Variants in ZNF445 observed in about 807,000 individuals in gnomAD.
ZNF445 encodes the protein zinc finger protein 168.
Under a neutral mutation model 93.9 loss-of-function variants are expected in ZNF445, and 19 were observed. The observed-to-expected ratio is 0.20, with a 90% CI of 0.14 to 0.30. The LOEUF (loss-of-function observed/expected upper bound fraction) is 0.30. ZNF445 is among the 10% of genes least tolerant of loss of function. The probability of loss-of-function intolerance (pLI) is 1.00; values close to 1 mark genes in which losing one functional copy is unlikely to be tolerated. For missense variants in ZNF445, 1,058 were observed against 1,259.4 expected, an observed-to-expected ratio of 0.84 and a Z score of 2.42; for synonymous variants, 449 against 446.3, an observed-to-expected ratio of 1.01 and a Z score of -0.08.
At chr3:44,469,548 T>A (rs1698237906) in intron 1 of ZNF445, among the ~76,000 whole-genome samples, 1 of 152,056 alleles carries the variant, frequency 6.6e-6, no homozygotes, top group African/African-American at 2.4e-5. Context: ...GCTGGCACAT[T>A]ACCTGAGGTC....
At chr3:44,473,484 CACACACAAAA>C (rs1427751091) in intron 1 of ZNF445, among the ~76,000 whole-genome samples, 1 of 104,728 alleles carries the variant, frequency 9.5e-6, no homozygotes, top group Non-Finnish European at 2.2e-5. Context: ...CACACACACA[CACACACAAAA>C]AATGCTTTCA....
chr3:44,447,002 T>A lies in ZNF445; in HGVS notation c.2669A>T (p.His890Leu). The A allele has an allele frequency of 6.2e-7, 1 of 1,614,160 alleles. No homozygotes were observed. Among genetic ancestry groups the A allele is most frequent in the Non-Finnish European group, 8.5e-7 (1 of 1,180,040 alleles). The change falls in exon 8 of 8, where the codon CAC becomes CTC. Residue 890 changes from histidine to leucine, a missense_variant. Around this residue, in one of 3 missense-constraint regions of ZNF445, gnomAD observed 387 missense variants for 475.7 expected, o/e 0.81. Transcript: ENST00000396077. The surrounding 1 kb of genome is among the most constrained non-coding windows in gnomAD (Gnocchi z 4.7). ...ACATTTGAAAGGTCTCTCTGTAGAG[T>A]GGATCCTCTGATGGTTAACAAGGCG... is the stretch of plus-strand genomic sequence containing the variant. ...NYRLVNHQRI[H>L]STERPFKCQW...
rs181166419 is a variant in ZNF445 at position 44,475,144 on chromosome 3, G to A, written c.-269+2447C>T. On this transcript the variant is annotated intron_variant, in intron 1 of 7. Coordinates refer to ENST00000396077, the MANE Select transcript of ZNF445 (RefSeq NM_181489.6). ...TCTTATCTTACATTGAGAAGTTCCA[G>A]TCATTCAGTCATCATCATTTTTATC... is the stretch of plus-strand genomic sequence containing the variant. Among the ~76,000 whole-genome samples the A allele has an allele frequency of 4.3e-3, 655 of 152,274 alleles. 2 individuals carry two copies. Among genetic ancestry groups the A allele is most frequent in the Admixed American group, 7.3e-3 (112 of 15,288 alleles).
chr3:44,473,490 C>CACACACAAAAAA (rs774842477), intron 1 of ZNF445, among the ~76,000 whole-genome samples: 1 of 56,930 alleles, frequency 1.8e-5, no homozygotes, highest in African/African-American at 4.4e-5. Context: ...CACACACACA[C>CACACACAAAAAA]AAAAAATGCT....
At chr3:44,463,154 A>T (rs1698143200) in intron 1 of ZNF445, among the ~76,000 whole-genome samples, 1 of 152,012 alleles carries the variant, frequency 6.6e-6, no homozygotes, top group Non-Finnish European at 1.5e-5. Flanking sequence ...CTTCTGCCTC[A>T]GCCTCCCAAG....
intron 1 of ZNF445, among the ~76,000 whole-genome samples, chr3:44,460,711 G>A (rs1207782080): frequency 1.3e-5 from 2 of 152,198 alleles, no homozygotes; most frequent in Non-Finnish European, 2.9e-5. Context: ...AATGCCTGGG[G>A]AGACTGATTT....
intron 6 of ZNF445, chr3:44,449,974 T>C (rs1697934358): frequency 6.6e-6 from 2 of 303,082 alleles, no homozygotes; most frequent in Non-Finnish European, 1.3e-5. Context: ...AGGGTCTCAC[T>C]CTGTTACCCA....
intron 3 of ZNF445, among the ~76,000 whole-genome samples, chr3:44,453,248 C>CAT (rs1168215462): frequency 1.3e-5 from 2 of 151,232 alleles, no homozygotes; most frequent in East Asian, 3.9e-4. Context: ...TGTGCAGAAT[C>CAT]ATATATATAT....
chr3:44,450,854 G>A lies in ZNF445; in HGVS notation c.693+14C>T, dbSNP rs1470133021. The A allele has an allele frequency of 1.9e-6, 3 of 1,549,194 alleles. No individual in the cohort carries two copies. The highest frequency in any genetic ancestry group is 2.6e-6 in the Non-Finnish European group (3 of 1,149,528). On this transcript the variant is annotated intron_variant, in intron 5 of 7. Coordinates refer to ENST00000396077, the MANE Select transcript of ZNF445 (RefSeq NM_181489.6). ...GTGGGGACATCAGGAAGGACCAAAT[G>A]TTCTGTGGCTCACCTGGAGCTGGGC...
At position 44,440,840 on chromosome 3, in the gene ZNF445, T is replaced by A. The variant is rs1697797845; in HGVS notation, c.*5735A>T. Reference sequence around the variant, plus strand: ...ATTCATAAGTTTCCCGGGAAAGGTGTGAGCAATTACCAGAACTGAGGGTTC... The same window carrying A: ...ATTCATAAGTTTCCCGGGAAAGGTGAGAGCAATTACCAGAACTGAGGGTTC... On this transcript the variant is annotated 3_prime_UTR_variant, in exon 8 of 8. Transcript: ENST00000396077. 1 of 152,114 alleles carries A rather than the reference T, an allele frequency of 6.6e-6. No individual in the cohort carries two copies. 9.4% of individuals were successfully genotyped at this position (152,114 alleles called of 1,614,324 possible). A position where few individuals can be genotyped will look rare whatever the true frequency, so the allele number is the denominator to read the frequency against.
At chr3:44,455,907 G>A (rs543169325) in intron 2 of ZNF445, among the ~76,000 whole-genome samples, 85 of 152,134 alleles carry the variant, frequency 5.6e-4, no homozygotes, top group Middle Eastern at 3.4e-3. Flanking sequence ...TTAAAACTTC[G>A]TAAAAAACAC....
chr3:44,461,791 G>T (rs996179020), intron 1 of ZNF445, among the ~76,000 whole-genome samples: 9 of 152,226 alleles, frequency 5.9e-5, no homozygotes, highest in African/African-American at 2.2e-4. Flanking sequence ...CATGCAGCCT[G>T]TTGGGCAAAT....
chr3:44,477,614 T>TC lies in ZNF445; in HGVS notation c.-293dup, dbSNP rs976174974. On this transcript the variant is annotated 5_prime_UTR_variant, in exon 1 of 8. Coordinates refer to ENST00000396077, the MANE Select transcript of ZNF445 (RefSeq NM_181489.6). Reference sequence around the variant, plus strand: ...ACCGACTCCCGCCGCCGAGCGACAATCGGTCCACCCGCCGCCACCGCAGCC... The same window carrying TC: ...ACCGACTCCCGCCGCCGAGCGACAATCCGGTCCACCCGCCGCCACCGCAGCC... 1 of 149,642 alleles carries TC rather than the reference T, an allele frequency of 6.7e-6. No homozygotes were observed. Among genetic ancestry groups the TC allele is most frequent in the African/African-American group, 2.5e-5 (1 of 40,578 alleles). The allele number at this position is 149,642 out of a possible 1,614,324, so 9.3% of individuals were successfully genotyped here.
chr3:44,455,336 T>C lies in ZNF445; in HGVS notation c.214A>G (p.Thr72Ala). Reference protein sequence around the residue: ...RYHESSGPLETLSRLRELCRW... With the variant: ...RYHESSGPLEALSRLRELCRW... ...CAGAGTTCCCGGAGCCGGCTCAGAGTTTCTAGGGGCCCTGAAGACTCATGG... is the reference window on the plus strand; with the variant it reads ...CAGAGTTCCCGGAGCCGGCTCAGAGCTTCTAGGGGCCCTGAAGACTCATGG... Residue 72 changes from threonine (T) to alanine (A), a missense_variant, in exon 3 of 8, where the codon ACT becomes GCT. By Grantham distance (58) the Thr-to-Ala change is moderately conservative. This residue lies in a region of ZNF445 where 657 missense variants were observed against 746.4 expected (regional missense o/e 0.88). Coordinates refer to ENST00000396077, the MANE Select transcript of ZNF445 (RefSeq NM_181489.6). 6.2e-7 allele frequency: 1 copy of C among 1,613,420 alleles called. No homozygotes were observed. Among genetic ancestry groups the C allele is most frequent in the Non-Finnish European group, 8.5e-7 (1 of 1,179,712 alleles).
chr3:44,458,869 C>T (rs73829648), intron 1 of ZNF445, among the ~76,000 whole-genome samples: 1,855 of 152,252 alleles, frequency 0.012, 35 homozygotes, highest in African/African-American at 0.043. Context: ...ACTCAGTAAG[C>T]AGAAATGCTG....
At chr3:44,454,194 AAAAAAAAAAAGAAAAGAAAAG>A (rs1697993418) in intron 3 of ZNF445, among the ~76,000 whole-genome samples, 1 of 144,022 alleles carries the variant, frequency 6.9e-6, no homozygotes, top group African/African-American at 2.6e-5. Context: ...GGTATGCCTC[AAAAAAAAAAAGAAAAGAAAAG>A]AAAAAAAAAA....
Position 44,436,571 on chromosome 3 carries a change from A to G in ZNF445, c.*10004T>C, listed in dbSNP as rs993379829. On this transcript the variant is annotated 3_prime_UTR_variant, in exon 8 of 8. Transcript: ENST00000396077. ...CATTTTTATCTCCTTAAGCATTTAC[A>G]TATCTTCCTCTACAGTATACCAACG... 3 of 152,152 alleles carry G rather than the reference A, an allele frequency of 2.0e-5. No homozygotes were observed. Among genetic ancestry groups the G allele is most frequent in the Non-Finnish European group, 2.9e-5 (2 of 68,042 alleles). The allele number at this position is 152,152 out of a possible 1,614,324, so 9.4% of individuals were successfully genotyped here.
In ZNF445 at chr3:44,453,246, A is replaced by G. The variant is rs541721612; in HGVS notation, c.430-1764T>C. On this transcript the variant is annotated intron_variant, in intron 3 of 7. Coordinates refer to ENST00000396077, the MANE Select transcript of ZNF445 (RefSeq NM_181489.6). The stretch of plus-strand genomic sequence containing the variant: ...TTTATACATGAATTATGTGTGCAGA[A>G]TCATATATATATGTATATGTATGAA... Among the ~76,000 whole-genome samples the G allele has an allele frequency of 7.8e-4, 119 of 151,888 alleles. 2 individuals carry two copies. The highest frequency in any genetic ancestry group is 2.7e-3 in the African/African-American group (110 of 41,416).
At chr3:44,461,613 T>C (rs1280708395) in intron 1 of ZNF445, among the ~76,000 whole-genome samples, 1 of 152,214 alleles carries the variant, frequency 6.6e-6, no homozygotes, top group Non-Finnish European at 1.5e-5. Context: ...CCATTGTGAA[T>C]TAACATTCAT....
Sources: allele counts gnomAD v4.1 joint callset (sites outside exome capture counted in the v4.1 genomes callset), GRCh38; gene constraint gnomAD v4.1.1; regional missense constraint gnomAD v4.1.1; non-coding constraint Gnocchi (gnomAD v3.1); transcripts MANE v1.5; gene names NCBI Gene and HGNC (gene_info 2026-07-23, HGNC 2026-07-21).